MYO5B: variants seen among roughly 807,000 people sequenced by gnomAD.
MYO5B encodes myosin VB.
A neutral mutation model predicts 229.3 loss-of-function variants in MYO5B; 143 were observed. That is an observed-to-expected ratio of 0.62 (90% CI 0.54 to 0.72). The LOEUF (loss-of-function observed/expected upper bound fraction) is 0.72. Ranked by LOEUF, MYO5B falls within the 30% of genes least tolerant of loss-of-function variation. The pLI is 0.00. For synonymous variants in MYO5B, 918 were observed against 885.2 expected (o/e 1.04, Z -0.66); for missense variants, 2,321 against 2,331.0 (o/e 1.00, Z 0.09).
At chr18:50,080,510 G>T (rs1186555526) in intron 1 of MYO5B, among the ~76,000 whole-genome samples, 2 of 152,106 alleles carry the variant, frequency 1.3e-5, no homozygotes, top group South Asian at 4.1e-4. Flanking sequence ...AACCAATGGC[G>T]ACTTGCCCAA....
At chr18:50,036,619 A>G (rs573682475) in intron 4 of MYO5B, among the ~76,000 whole-genome samples, 9 of 152,358 alleles carry the variant, frequency 5.9e-5, no homozygotes, top group African/African-American at 1.9e-4. Flanking sequence ...AAAAAATGAA[A>G]TAAGTCTAAA....
rs1459706393 is a variant in MYO5B, at chr18:50,043,408, ATTAAATAT to A, written c.139-3102_139-3095del. ...TTAAATATATTTAAATATATTAAAT[ATTAAATAT>A]TTAAATATATTTAAATATATTAAAT... On this transcript the variant is annotated intron_variant, in intron 2 of 39. Transcript: ENST00000285039. Among the ~76,000 whole-genome samples, 176 of 55,230 alleles carry A rather than the reference ATTAAATAT, an allele frequency of 3.2e-3. 3 individuals are homozygous for A. The East Asian group carries it at 0.086, about 27-fold the overall frequency. The allele number at this position is 55,230 out of a possible 152,430, so 36.2% of individuals were successfully genotyped here. A position where few individuals can be genotyped will look rare whatever the true frequency, so the allele number is the denominator to read the frequency against.
intron 17 of MYO5B, among the ~76,000 whole-genome samples, chr18:49,925,441 A>G (rs975862072): frequency 3.3e-5 from 5 of 152,222 alleles, no homozygotes. Flanking sequence ...CCTTGGACAC[A>G]TGTTCTAAGG....
At chr18:49,979,121 T>A (rs1361252203) in intron 9 of MYO5B, among the ~76,000 whole-genome samples, 1 of 152,172 alleles carries the variant, frequency 6.6e-6, no homozygotes, top group African/African-American at 2.4e-5. Context: ...CACCACCCCC[T>A]GGGCCACAGG....
At chr18:49,966,907 G>A (rs1027783427) in intron 10 of MYO5B, among the ~76,000 whole-genome samples, 3 of 152,194 alleles carry the variant, frequency 2.0e-5, no homozygotes, top group Non-Finnish European at 4.4e-5. Context: ...GGGAGATTGG[G>A]TAACTTTTCC....
At chr18:49,888,850 T>G (rs866313393) in intron 22 of MYO5B, among the ~76,000 whole-genome samples, 8 of 152,372 alleles carry the variant, frequency 5.3e-5, no homozygotes, top group Middle Eastern at 6.8e-3. Context: ...AACATTCCTG[T>G]ACCACACGGG....
At chr18:50,159,722 C>G (rs1179326540) in intron 1 of MYO5B, among the ~76,000 whole-genome samples, 1 of 152,200 alleles carries the variant, frequency 6.6e-6, no homozygotes, top group Non-Finnish European at 1.5e-5. Flanking sequence ...CCCCACGCCG[C>G]CAGCAACCAG....
chr18:50,055,572 A>C (rs2030527807), intron 1 of MYO5B, among the ~76,000 whole-genome samples, 194 bp from the exon 2 acceptor site: 1 of 152,218 alleles, frequency 6.6e-6, no homozygotes, highest in Admixed American at 6.5e-5. Context: ...GACTGGTAGC[A>C]GAGGGCACCT....
In MYO5B at chr18:49,936,247, C is replaced by G. The variant is rs1346493252; in HGVS notation, c.2003+5G>C. Reference sequence around the variant, plus strand: ...TGGACAGGCTAATGCCCAGCAGGCACTTACTGAAAGGGGAGCTTCTCATCG... The same window carrying G: ...TGGACAGGCTAATGCCCAGCAGGCAGTTACTGAAAGGGGAGCTTCTCATCG... On this transcript the variant is annotated splice_donor_5th_base_variant and intron_variant, in intron 16 of 39. Transcript: ENST00000285039. The G allele has an allele frequency of 1.9e-6, 3 of 1,586,208 alleles. No individual in the cohort carries two copies. The African/African-American group carries it at 4.0e-5, about 21-fold the overall frequency.
chr18:50,128,731 C>A (rs146014010), intron 1 of MYO5B, among the ~76,000 whole-genome samples: 1 of 152,286 alleles, frequency 6.6e-6, no homozygotes, highest in East Asian at 1.9e-4. Flanking sequence ...TTTACACATC[C>A]CCAGTCTGTC....
chr18:50,137,632 T>A (rs1180027030), intron 1 of MYO5B, among the ~76,000 whole-genome samples: 2 of 152,208 alleles, frequency 1.3e-5, no homozygotes, highest in Non-Finnish European at 2.9e-5. Flanking sequence ...CACTACTAGA[T>A]ATATACCCAG....
chr18:49,932,367 C>G (rs1235764269), intron 16 of MYO5B, among the ~76,000 whole-genome samples: 1 of 152,192 alleles, frequency 6.6e-6, no homozygotes, highest in African/African-American at 2.4e-5. Context: ...GAGCTGGTCC[C>G]CAGAAGGCAC....
At chr18:50,186,598 G>A (rs2033152399) in intron 1 of MYO5B, among the ~76,000 whole-genome samples, 1 of 152,142 alleles carries the variant, frequency 6.6e-6, no homozygotes, top group South Asian at 2.1e-4. Flanking sequence ...CAGGACAGCA[G>A]GGAAGGGTTA....
intron 5 of MYO5B, among the ~76,000 whole-genome samples, chr18:49,994,498 A>G (rs1309575559): frequency 6.6e-6 from 1 of 152,258 alleles, no homozygotes; most frequent in African/African-American, 2.4e-5. Context: ...GACACAGTAT[A>G]TAACTCTGGA....
At chr18:50,014,401 G>A (rs2026195292) in intron 4 of MYO5B, among the ~76,000 whole-genome samples, 1 of 152,092 alleles carries the variant, frequency 6.6e-6, no homozygotes, top group Non-Finnish European at 1.5e-5. Flanking sequence ...TCCACCTCAG[G>A]CAAGTTATTT....
At position 49,879,916 on chromosome 18, in the gene MYO5B, A is replaced by G. The variant is rs74721471; in HGVS notation, c.3130+455T>C. On this transcript the variant is annotated intron_variant, in intron 23 of 39. Coordinates refer to ENST00000285039, the MANE Select transcript of MYO5B (RefSeq NM_001080467.3). ...AAACCATGATGCGTGGATGGACATG[A>G]AAGACAAATGTGAAACCCAGCAATG... 4.3e-3 allele frequency among the ~76,000 whole-genome samples: 648 copies of G among 152,342 alleles called. 7 individuals are homozygous for G. Among genetic ancestry groups the G allele is most frequent in the African/African-American group, 0.014 (594 of 41,572 alleles).
chr18:50,079,259 C>T (rs889116507), intron 1 of MYO5B, among the ~76,000 whole-genome samples: 4 of 152,316 alleles, frequency 2.6e-5, no homozygotes, highest in South Asian at 2.1e-4. Flanking sequence ...GAGAATTTTC[C>T]GTCTTGCTTT....
intron 17 of MYO5B, among the ~76,000 whole-genome samples, chr18:49,923,772 A>C (rs1245109748): frequency 6.6e-6 from 1 of 152,224 alleles, no homozygotes; most frequent in East Asian, 1.9e-4. Context: ...ATTCTGTTAA[A>C]AAGTTCTTTG....
intron 4 of MYO5B, among the ~76,000 whole-genome samples, chr18:50,017,968 T>C (rs1307430752): frequency 6.6e-6 from 1 of 152,228 alleles, no homozygotes; most frequent in Non-Finnish European, 1.5e-5. Flanking sequence ...GATTTAAATA[T>C]GATTATTTGG....
Sources: gnomAD v4.1 joint callset for allele counts (sites outside exome capture counted in the v4.1 genomes callset) on GRCh38, gnomAD v4.1.1 for gene constraint, MANE v1.5 for transcripts, NCBI Gene and HGNC (gene_info 2026-07-23, HGNC 2026-07-21) for gene names.